The following FOXN3 variants were observed in gnomAD, a reference collection of about 807,000 sequenced individuals.
The protein encoded by FOXN3 is forkhead box protein N3.
FOXN3 carries 7 observed loss-of-function variants against 38.4 expected under a neutral mutation model. That is an observed-to-expected ratio of 0.18 (90% CI 0.10 to 0.34). The LOEUF is 0.34. Ranked by LOEUF, FOXN3 falls within the 10% of genes least tolerant of loss-of-function variation. The probability of loss-of-function intolerance (pLI) is 1.00; values close to 1 mark genes in which losing one functional copy is unlikely to be tolerated. For synonymous variants in FOXN3, 230 were observed against 242.2 expected (o/e 0.95, Z 0.47); for missense variants, 456 against 613.4 (o/e 0.74, Z 2.71).
Position 89,566,446 on chromosome 14 carries a change from T to A in FOXN3, c.-15+52582A>T, listed in dbSNP as rs568739203. Reference sequence around the variant, plus strand: ...TCCTACAGGGAAGAAATAATTTTTTTAAAAAAAAATGCAGCAAGTGCTTAG... The same window carrying A: ...TCCTACAGGGAAGAAATAATTTTTTAAAAAAAAAATGCAGCAAGTGCTTAG... On this transcript the variant is annotated intron_variant, in intron 1 of 6. Transcript: ENST00000345097. 3.6e-3 allele frequency among the ~76,000 whole-genome samples: 550 copies of A among 151,798 alleles called. 3 individuals carry two copies. Among genetic ancestry groups the A allele is most frequent in the South Asian group, 8.5e-3 (41 of 4,818 alleles).
At chr14:89,358,812 T>C (rs899098540) in intron 2 of FOXN3, among the ~76,000 whole-genome samples, 6 of 152,214 alleles carry the variant, frequency 3.9e-5, no homozygotes, top group Admixed American at 6.5e-5. Flanking sequence ...GACATGGACA[T>C]TGGAGTCAGA....
chr14:89,427,865 T>C (rs1051715045), intron 1 of FOXN3, among the ~76,000 whole-genome samples: 6 of 152,170 alleles, frequency 3.9e-5, no homozygotes, highest in African/African-American at 1.4e-4. Flanking sequence ...AGTCTCCTTT[T>C]TATCCCTCTC....
chr14:89,491,114 C>T (rs1406315159), intron 1 of FOXN3, among the ~76,000 whole-genome samples: 1 of 151,740 alleles, frequency 6.6e-6, no homozygotes, highest in African/African-American at 2.4e-5. Flanking sequence ...AGGCATGCGC[C>T]ACCACACCTG....
intron 4 of FOXN3, among the ~76,000 whole-genome samples, chr14:89,249,685 G>A (rs1021801076): frequency 6.6e-6 from 1 of 152,116 alleles, no homozygotes; most frequent in Non-Finnish European, 1.5e-5. Context: ...CTGCTCATTC[G>A]GGAGAAAGAA....
intron 1 of FOXN3, among the ~76,000 whole-genome samples, chr14:89,450,067 G>C (rs1206303979): frequency 6.6e-6 from 1 of 152,178 alleles, no homozygotes; most frequent in Non-Finnish European, 1.5e-5. Flanking sequence ...TTGTTGCATG[G>C]AGTCAGAGCC....
chr14:89,325,309 ACCACGACCACCACCACCAC>A (rs1566956838), intron 3 of FOXN3, among the ~76,000 whole-genome samples: 12 of 126,400 alleles, frequency 9.5e-5, no homozygotes, highest in Non-Finnish European at 1.2e-4. Context: ...CAACACCACC[ACCACGACCACCACCACCAC>A]CACCACCACC....
intron 1 of FOXN3, among the ~76,000 whole-genome samples, chr14:89,571,784 T>C (rs746336639): frequency 2.0e-5 from 3 of 152,140 alleles, no homozygotes; most frequent in Non-Finnish European, 4.4e-5. Context: ...CCATAAAATA[T>C]AGGAAAGCTT....
intron 4 of FOXN3, among the ~76,000 whole-genome samples, chr14:89,227,200 T>G (rs1038016288): frequency 2.0e-5 from 3 of 152,168 alleles, no homozygotes; most frequent in Non-Finnish European, 4.4e-5. Context: ...CTGGTACCCC[T>G]CAGCACCCAT....
At chr14:89,221,041 T>G (rs1159350382) in intron 4 of FOXN3, among the ~76,000 whole-genome samples, 1 of 152,002 alleles carries the variant, frequency 6.6e-6, no homozygotes, top group Non-Finnish European at 1.5e-5. Flanking sequence ...CAGAACCTAT[T>G]TTTACACCAA....
chr14:89,602,788 G>A (rs1012029405), intron 1 of FOXN3, among the ~76,000 whole-genome samples: 10 of 152,120 alleles, frequency 6.6e-5, no homozygotes, highest in South Asian at 2.1e-4. Context: ...GAGCCACTGC[G>A]CCTGGCAGGT....
intron 4 of FOXN3, among the ~76,000 whole-genome samples, chr14:89,249,656 G>C: frequency 6.6e-6 from 1 of 152,214 alleles, no homozygotes; most frequent in South Asian, 2.1e-4. Context: ...CTTGGCTGTA[G>C]AGGAAGGTCT....
At chr14:89,473,826 C>T (rs1399508436) in intron 1 of FOXN3, among the ~76,000 whole-genome samples, 1 of 152,124 alleles carries the variant, frequency 6.6e-6, no homozygotes, top group Non-Finnish European at 1.5e-5. Flanking sequence ...GAGCCAAGTT[C>T]AACATCATTA....
chr14:89,178,061 G>A (rs1052602585), intron 5 of FOXN3, among the ~76,000 whole-genome samples: 12 of 152,142 alleles, frequency 7.9e-5, no homozygotes, highest in African/African-American at 9.7e-5. Context: ...AGGCTGGAGT[G>A]CAGTGGAGTA....
chr14:89,520,017 C>CTTTTTTT (rs56854196), intron 1 of FOXN3, among the ~76,000 whole-genome samples: 1 of 132,446 alleles, frequency 7.6e-6, no homozygotes, highest in African/African-American at 2.7e-5. Flanking sequence ...TTCTTTTTTT[C>CTTTTTTT]TTTTTTTTTT....
intron 3 of FOXN3, among the ~76,000 whole-genome samples, chr14:89,299,502 A>G (rs1887152299): frequency 6.6e-6 from 1 of 152,180 alleles, no homozygotes; most frequent in Non-Finnish European, 1.5e-5. Flanking sequence ...TGCACTCCTG[A>G]GGAGCTGAAA....
chr14:89,539,554 A>T (rs1021535761), intron 1 of FOXN3, among the ~76,000 whole-genome samples: 13 of 152,224 alleles, frequency 8.5e-5, no homozygotes, highest in Admixed American at 2.6e-4. Context: ...AAATCATATA[A>T]ACACAACCTT....
chr14:89,291,369 C>T, intron 3 of FOXN3: 1 of 589,354 alleles, frequency 1.7e-6, no homozygotes, highest in Non-Finnish European at 3.4e-6. Context: ...AACACCCTTT[C>T]TGCATAAGTC....
intron 2 of FOXN3, among the ~76,000 whole-genome samples, chr14:89,355,580 C>T (rs898314768): frequency 2.6e-5 from 4 of 152,146 alleles, no homozygotes; most frequent in South Asian, 2.1e-4. Context: ...CAGATACATT[C>T]ATGGGTCATG....
At chr14:89,587,800 A>G (rs1415508518) in intron 1 of FOXN3, among the ~76,000 whole-genome samples, 1 of 137,946 alleles carries the variant, frequency 7.2e-6, no homozygotes, top group Non-Finnish European at 1.5e-5. Context: ...TGGTAGGCAG[A>G]GGTTGCAGTG....
Sources: allele counts gnomAD v4.1 joint callset (sites outside exome capture counted in the v4.1 genomes callset), GRCh38; gene constraint gnomAD v4.1.1; transcripts MANE v1.5; gene names NCBI Gene and HGNC (gene_info 2026-07-23, HGNC 2026-07-21).